The following CAVIN2 variants were observed in gnomAD, a reference collection of about 807,000 sequenced individuals.
CAVIN2 encodes caveolae associated protein 2.
Under a neutral mutation model 11.7 loss-of-function variants are expected in CAVIN2, and 13 were observed. The ratio of observed to expected loss-of-function variants is 1.11; its 90% CI spans 0.72 to 1.77. The LOEUF (loss-of-function observed/expected upper bound fraction) is 1.77. Ranked by LOEUF, CAVIN2 falls within the 40% of genes most tolerant of loss-of-function variation. The pLI, the probability that CAVIN2 is intolerant of heterozygous loss-of-function variation, is 0.00. For missense variants in CAVIN2, 549 were observed against 542.9 expected, an observed-to-expected ratio of 1.01 and a Z score of -0.11; for synonymous variants, 237 against 223.2, an observed-to-expected ratio of 1.06 and a Z score of -0.55.
chr2:191,836,055 C>T lies in CAVIN2; in HGVS notation c.1146G>A (p.Glu382=), dbSNP rs1468534270. ...GTGCCTGTTCCAGGGCCACTGACTC[C>T]TCCTCTTCATCTTCCACAATAGTCA... is the stretch of plus-strand genomic sequence containing the variant. ...IDLTIVEDEE[E]ESVALEQAQK... The change falls in exon 2 of 2, where the codon GAG becomes GAA. Residue 382 remains glutamate, a synonymous_variant. Transcript: ENST00000304141. 3 of 1,614,202 alleles carry T rather than the reference C, an allele frequency of 1.9e-6. No individual in the cohort carries two copies. Among genetic ancestry groups the T allele is most frequent in the South Asian group, 1.1e-5 (1 of 91,088 alleles).
intron 1 of CAVIN2, among the ~76,000 whole-genome samples, 197 bp downstream of exon 1, chr2:191,846,246 T>C (rs1159141651): frequency 2.6e-5 from 4 of 152,228 alleles, no homozygotes; most frequent in African/African-American, 9.6e-5. Context: ...GATTAGTCTG[T>C]AGTGACCTGG....
Position 191,846,715 on chromosome 2 carries a change from C to A in CAVIN2, c.211G>T (p.Ala71Ser), listed in dbSNP as rs1690173797. The A allele has an allele frequency of 1.1e-5, 17 of 1,614,204 alleles. No individual in the cohort carries two copies. The highest frequency in any genetic ancestry group is 1.3e-5 in the African/African-American group (1 of 75,054). ...LLDKLVNMLD[A>S]VQENQHKMEQ... is the part of the protein sequence containing the mutation. Reference sequence around the variant, plus strand: ...ATCTTGTGCTGGTTCTCCTGCACAGCGTCTAGCATGTTCACCAGCTTGTCC... The same window carrying A: ...ATCTTGTGCTGGTTCTCCTGCACAGAGTCTAGCATGTTCACCAGCTTGTCC... Residue 71 changes from alanine to serine, a missense_variant, in exon 1 of 2, where the codon GCT becomes TCT. Coordinates refer to ENST00000304141, the MANE Select transcript of CAVIN2 (RefSeq NM_004657.6).
chr2:191,839,381 C>G (rs559823213), intron 1 of CAVIN2, among the ~76,000 whole-genome samples: 11 of 152,238 alleles, frequency 7.2e-5, no homozygotes, highest in Admixed American at 5.9e-4. Context: ...ACAGTTTTTC[C>G]TTAAATATAC....
In CAVIN2 at chr2:191,835,967, C is replaced by T. The variant is rs976139346; in HGVS notation, c.1234G>A (p.Asp412Asn). Residue 412 changes from aspartate (D) to asparagine (N), a missense_variant, in exon 2 of 2, where the codon GAC becomes AAC. Coordinates refer to ENST00000304141, the MANE Select transcript of CAVIN2 (RefSeq NM_004657.6). ...TGGAGCACGGCGGGCTGCACGGGGTCCCCATCGGAGCGCTCCGCCTCCTCG... is the reference window on the plus strand; with the variant it reads ...TGGAGCACGGCGGGCTGCACGGGGTTCCCATCGGAGCGCTCCGCCTCCTCG... ...TSEEAERSDG[D>N]PVQPAVLQVH... 6.2e-7 allele frequency: 1 copy of T among 1,613,998 alleles called. No individual in the cohort carries two copies. The highest frequency in any genetic ancestry group is 1.3e-5 in the African/African-American group (1 of 75,058).
chr2:191,836,114 C>T lies in CAVIN2; in HGVS notation c.1087G>A (p.Gly363Arg), dbSNP rs1485462312. 1.2e-6 allele frequency: 2 copies of T among 1,614,228 alleles called. No homozygotes were observed. The highest frequency in any genetic ancestry group is 1.7e-6 in the Non-Finnish European group (2 of 1,180,034). Residue 363 changes from glycine to arginine, a missense_variant, in exon 2 of 2, where the codon GGG (glycine) becomes AGG (arginine). By Grantham distance (125) the Gly-to-Arg change is moderately radical (BLOSUM62 -2). Transcript: ENST00000304141. ...EEAAEKATSR[G>R]SNSGMDSNID... ...TTGCTGTCCATCCCCGAGTTACTCCCCCTGGAGGTCGCCTTCTCAGCAGCC... is the reference window on the plus strand; with the variant it reads ...TTGCTGTCCATCCCCGAGTTACTCCTCCTGGAGGTCGCCTTCTCAGCAGCC...
chr2:191,840,813 G>GA (rs1418378509), intron 1 of CAVIN2, among the ~76,000 whole-genome samples: 2 of 152,146 alleles, frequency 1.3e-5, no homozygotes, highest in African/African-American at 2.4e-5. Flanking sequence ...AATAAGGAGA[G>GA]AAAAAACAAC....
Position 191,846,549 on chromosome 2 carries a change from C to A in CAVIN2, c.377G>T (p.Arg126Leu). Residue 126 changes from arginine (R) to leucine (L), a missense_variant, in exon 1 of 2, where the codon CGC (arginine) becomes CTC (leucine). Transcript: ENST00000304141. Reference sequence around the variant, plus strand: ...CCTATCCATGCGCTCTTTGACCGCGCGCGTGTGGGCGCTGACCTTGCGGGA... The same window carrying A: ...CCTATCCATGCGCTCTTTGACCGCGAGCGTGTGGGCGCTGACCTTGCGGGA... ...EKSRKVSAHTRAVKERMDRQC... is the reference protein window; with the variant it reads ...EKSRKVSAHTLAVKERMDRQC... 2 of 1,614,246 alleles carry A rather than the reference C, an allele frequency of 1.2e-6. No homozygotes were observed. The highest frequency in any genetic ancestry group is 1.7e-6 in the Non-Finnish European group (2 of 1,180,054).
chr2:191,836,816 G>C, intron 1 of CAVIN2, 99 bp from the exon 2 acceptor site: 1 of 1,155,746 alleles, frequency 8.7e-7, no homozygotes, highest in Non-Finnish European at 1.2e-6. Flanking sequence ...ACACGGTGAT[G>C]GTAAAAAAAC....
chr2:191,846,322 T>G (rs1224869486), intron 1 of CAVIN2, 121 bp downstream of exon 1: 1 of 1,213,870 alleles, frequency 8.2e-7, no homozygotes, highest in Admixed American at 2.7e-5. Flanking sequence ...GACAGTGCCT[T>G]GTATGTGTGA....
In CAVIN2 at chr2:191,836,316, GA is replaced by G. The variant is rs1559029006; in HGVS notation, c.884del (p.Leu295ProfsTer80). The G allele has an allele frequency of 6.2e-7, 1 of 1,614,194 alleles. No individual in the cohort carries two copies. The highest frequency in any genetic ancestry group is 1.7e-5 in the Admixed American group (1 of 60,030). On this transcript the variant is annotated frameshift_variant, in exon 2 of 2. Coordinates refer to ENST00000304141, the MANE Select transcript of CAVIN2 (RefSeq NM_004657.6). LOFTEE classifies it low-confidence loss of function (END_TRUNC). ...GKSSPFKVSP[L>X]TFGRKKVREG... ...CTCGGACTTTCTTCCGCCCGAAAGT[GA>G]GGGGAGAAACCTTGAAGGGGGAGCT...
intron 1 of CAVIN2, among the ~76,000 whole-genome samples, chr2:191,841,476 G>A (rs988990223): frequency 2.0e-5 from 3 of 152,102 alleles, no homozygotes; most frequent in Admixed American, 6.5e-5. Flanking sequence ...GTTTCTCAGG[G>A]CCTCTGTTTC....
In CAVIN2 at chr2:191,835,861, T is replaced by C; in HGVS notation, c.*62A>G. On this transcript the variant is annotated 3_prime_UTR_variant, in exon 2 of 2. Transcript: ENST00000304141. ...GAGTCGTGCTGGAGATGTGCAAGAG[T>C]TTGTTCTTCAGCCCTGGCTGCCCGC... The C allele has an allele frequency of 6.6e-7, 1 of 1,507,332 alleles. No homozygotes were observed. The highest frequency in any genetic ancestry group is 1.2e-5 in the South Asian group (1 of 80,796). The allele number at this position is 1,507,332 out of a possible 1,614,324, so 93.4% of individuals were successfully genotyped here.
chr2:191,837,673 G>A (rs1404976645), intron 1 of CAVIN2, among the ~76,000 whole-genome samples: 3 of 152,210 alleles, frequency 2.0e-5, no homozygotes, highest in African/African-American at 4.8e-5. Flanking sequence ...GGGGGATGGT[G>A]TTGCAACATT....
intron 1 of CAVIN2, among the ~76,000 whole-genome samples, chr2:191,841,493 A>G (rs1390696251): frequency 6.6e-6 from 1 of 152,216 alleles, no homozygotes; most frequent in East Asian, 1.9e-4. Flanking sequence ...TTTCTTTGAC[A>G]CAAAACGAAG....
chr2:191,845,073 A>C (rs886380685), intron 1 of CAVIN2, among the ~76,000 whole-genome samples: 3 of 152,220 alleles, frequency 2.0e-5, no homozygotes, highest in African/African-American at 7.2e-5. Context: ...TAAGGATCTC[A>C]TATGGCTTAA....
chr2:191,839,798 TTCTGATGGCATCTAC>T (rs1169728181), intron 1 of CAVIN2, among the ~76,000 whole-genome samples: 6 of 152,234 alleles, frequency 3.9e-5, no homozygotes, highest in Non-Finnish European at 8.8e-5. Context: ...ATTTTGTGGC[TTCTGATGGCATCTAC>T]TCTGAAGGTA....
chr2:191,838,440 G>A (rs1313284942), intron 1 of CAVIN2, among the ~76,000 whole-genome samples: 1 of 152,164 alleles, frequency 6.6e-6, no homozygotes, highest in Non-Finnish European at 1.5e-5. Context: ...AAAGGGTAAT[G>A]TCTTGTGTCG....
In CAVIN2 at chr2:191,836,000, G is replaced by C; in HGVS notation, c.1201C>G (p.Leu401Val). 1 of 1,614,188 alleles carries C rather than the reference G, an allele frequency of 6.2e-7. No homozygotes were observed. ...GAGCGCTCCGCCTCCTCGGATGTTA[G>C]CGCGTAGCTACCCTCATAGCGTACC... is the stretch of plus-strand genomic sequence containing the variant. ...QKVRYEGSYA[L>V]TSEEAERSDG... Residue 401 changes from leucine to valine, a missense_variant, in exon 2 of 2, where the codon CTA (leucine) becomes GTA (valine). Leu to Val is a conservative substitution (Grantham distance 32, BLOSUM62 1). Transcript: ENST00000304141.
intron 1 of CAVIN2, among the ~76,000 whole-genome samples, chr2:191,841,552 T>A (rs1028333278): frequency 1.3e-5 from 2 of 152,204 alleles, no homozygotes; most frequent in African/African-American, 2.4e-5. Context: ...CATGTTTGAT[T>A]CTGTGATGTT....
Sources: gnomAD v4.1 joint callset for allele counts (sites outside exome capture counted in the v4.1 genomes callset) on GRCh38, gnomAD v4.1.1 for gene constraint, MANE v1.5 for transcripts, NCBI Gene and HGNC (gene_info 2026-07-23, HGNC 2026-07-21) for gene names.